The following APBB2 variants were observed in gnomAD, a reference collection of about 807,000 sequenced individuals.
APBB2 encodes amyloid beta precursor protein binding family B member 2.
APBB2 carries 38 observed loss-of-function variants against 82.5 expected under a neutral mutation model. That is an observed-to-expected ratio of 0.46 (90% confidence interval 0.36 to 0.60). The LOEUF (loss-of-function observed/expected upper bound fraction) is 0.60. Ranked by LOEUF, APBB2 falls within the 20% of genes least tolerant of loss-of-function variation. The probability of loss-of-function intolerance (pLI) is 0.00; values close to 1 mark genes in which losing one functional copy is unlikely to be tolerated. For synonymous variants in APBB2, 341 were observed against 368.2 expected (o/e 0.93, Z 0.85); for missense variants, 772 against 972.3 (o/e 0.79, Z 2.74).
chr4:40,940,993 T>G (rs935830481), intron 7 of APBB2, among the ~76,000 whole-genome samples: 13 of 152,244 alleles, frequency 8.5e-5, no homozygotes, highest in African/African-American at 3.1e-4. Flanking sequence ...ACTGCTGGCA[T>G]ATGCAGCGGA....
chr4:40,941,912 C>T (rs1453480970), intron 7 of APBB2, among the ~76,000 whole-genome samples: 1 of 152,102 alleles, frequency 6.6e-6, no homozygotes, highest in African/African-American at 2.4e-5. Context: ...GCTGGGATTA[C>T]AGGCGTGAGC....
intron 6 of APBB2, among the ~76,000 whole-genome samples, chr4:40,997,626 T>C (rs990721014): frequency 2.0e-5 from 3 of 152,090 alleles, no homozygotes; most frequent in African/African-American, 7.2e-5. Context: ...CTTCGAGGAG[T>C]CTCAGAGATT....
Position 40,942,676 on chromosome 4 carries a change from A to G in APBB2, c.1044+2189T>C, listed in dbSNP as rs372130214. Among the ~76,000 whole-genome samples the G allele has an allele frequency of 3.9e-5, 6 of 152,282 alleles. No individual in the cohort carries two copies. The East Asian group carries it at 9.7e-4, about 25-fold the overall frequency. On this transcript the variant is annotated intron_variant, in intron 7 of 17. Transcript: ENST00000508593. ...GGGGAACACTGAACTCCAGGGCAGG[A>G]GGTGCCAAGGGTGTGCCCTTCTGAG...
At chr4:40,820,164 C>G (rs967582138) in intron 17 of APBB2, among the ~76,000 whole-genome samples, 2 of 152,208 alleles carry the variant, frequency 1.3e-5, no homozygotes, top group African/African-American at 4.8e-5. Context: ...GCTTCACATG[C>G]AGCAGTTCTC....
intron 1 of APBB2, among the ~76,000 whole-genome samples, chr4:41,180,725 C>T (rs919033022): frequency 5.9e-5 from 9 of 152,102 alleles, no homozygotes; most frequent in Non-Finnish European, 1.3e-4. Context: ...ACCAGAATGA[C>T]CTCCCACCTT....
In APBB2 at chr4:41,041,036, A is replaced by G. The variant is rs892449820; in HGVS notation, c.-50-7732T>C. Among the ~76,000 whole-genome samples, 7 of 152,056 alleles carry G rather than the reference A, an allele frequency of 4.6e-5. No homozygotes were observed. The East Asian group carries it at 9.7e-4, about 21-fold the overall frequency. ...GCTGGGACTACAAGCGCCCACCACC[A>G]CACCCGGCTGATTTTTTGTATTTTT... On this transcript the variant is annotated intron_variant, in intron 4 of 17. Coordinates refer to ENST00000508593, the MANE Select transcript of APBB2 (RefSeq NM_004307.2).
intron 3 of APBB2, among the ~76,000 whole-genome samples, chr4:41,070,562 A>G (rs1733471963): frequency 6.6e-6 from 1 of 152,198 alleles, no homozygotes; most frequent in Middle Eastern, 3.2e-3. Flanking sequence ...TCGGCCTCCC[A>G]AAGTGCTGGG....
At chr4:41,148,804 C>G (rs1364131977) in intron 1 of APBB2, among the ~76,000 whole-genome samples, 1 of 152,132 alleles carries the variant, frequency 6.6e-6, no homozygotes, top group Non-Finnish European at 1.5e-5. Flanking sequence ...CACTATGTAT[C>G]AGGTACCATT....
At chr4:41,069,640 G>C (rs1465344856) in intron 3 of APBB2, among the ~76,000 whole-genome samples, 1 of 152,208 alleles carries the variant, frequency 6.6e-6, no homozygotes, top group African/African-American at 2.4e-5. Context: ...ACTCATCTCT[G>C]TATCCTCGGG....
intron 6 of APBB2, among the ~76,000 whole-genome samples, chr4:40,966,007 T>C (rs1317693432): frequency 1.3e-5 from 2 of 152,192 alleles, no homozygotes; most frequent in Admixed American, 6.5e-5. Context: ...AGTCCAATCC[T>C]TGAAACTAAA....
At chr4:40,899,211 A>G in intron 10 of APBB2, among the ~76,000 whole-genome samples, 1 of 152,364 alleles carries the variant, frequency 6.6e-6, no homozygotes, top group Non-Finnish European at 1.5e-5. Context: ...TGTCAGGATT[A>G]ACTGGGCTAA....
At chr4:41,110,753 G>A (rs890783838) in intron 2 of APBB2, among the ~76,000 whole-genome samples, 1 of 152,126 alleles carries the variant, frequency 6.6e-6, no homozygotes, top group Non-Finnish European at 1.5e-5. Flanking sequence ...ATGCTGCCCT[G>A]GGTATAGTAT....
chr4:40,998,454 A>C (rs899307827), intron 6 of APBB2, among the ~76,000 whole-genome samples: 7 of 152,246 alleles, frequency 4.6e-5, no homozygotes, highest in African/African-American at 7.2e-5. Flanking sequence ...AATCTTTAAG[A>C]AATTAGAAAT....
At chr4:40,909,622 C>T (rs929793565) in intron 10 of APBB2, among the ~76,000 whole-genome samples, 8 of 152,084 alleles carry the variant, frequency 5.3e-5, no homozygotes, top group Non-Finnish European at 1.2e-4. Flanking sequence ...AACCGAGAGA[C>T]GTAGCACAAT....
chr4:41,039,268 G>C (rs986863804), intron 4 of APBB2, among the ~76,000 whole-genome samples: 1 of 152,212 alleles, frequency 6.6e-6, no homozygotes, highest in African/African-American at 2.4e-5. Context: ...GTCTCCACCT[G>C]AAAAATTCAA....
chr4:40,957,133 C>A (rs117649269), intron 6 of APBB2, among the ~76,000 whole-genome samples: 12 of 152,148 alleles, frequency 7.9e-5, no homozygotes, highest in African/African-American at 2.9e-4. Context: ...ACAAAGGCGG[C>A]GCAAAGCCGG....
chr4:40,961,528 A>AGATATACC lies in APBB2; in HGVS notation c.836-16463_836-16456dup, dbSNP rs1033154816. Among the ~76,000 whole-genome samples, 2 of 149,832 alleles carry AGATATACC rather than the reference A, an allele frequency of 1.3e-5. 1 individual carries two copies. The highest frequency in any genetic ancestry group is 4.9e-5 in the African/African-American group (2 of 40,710). On this transcript the variant is annotated intron_variant, in intron 6 of 17. Transcript: ENST00000508593. ...GGGAGGGGGGAGGGATAGCATTGGGAGATATACCTAATGCTAGATGTCGAG... is the reference window on the plus strand; with the variant it reads ...GGGAGGGGGGAGGGATAGCATTGGGAGATATACCGATATACCTAATGCTAGATGTCGAG...
At chr4:41,020,146 TTC>T (rs1041892303) in intron 5 of APBB2, among the ~76,000 whole-genome samples, 36 of 152,366 alleles carry the variant, frequency 2.4e-4, no homozygotes, top group African/African-American at 7.9e-4. Context: ...ATTGAAGGTC[TTC>T]TCTGTAACCC....
chr4:41,009,827 T>C (rs1807812114), intron 6 of APBB2, among the ~76,000 whole-genome samples: 1 of 152,234 alleles, frequency 6.6e-6, no homozygotes, highest in Admixed American at 6.5e-5. Context: ...ATTTTATATA[T>C]ATACACATAC....
Sources: gnomAD v4.1 joint callset for allele counts (sites outside exome capture counted in the v4.1 genomes callset) on GRCh38, gnomAD v4.1.1 for gene constraint, MANE v1.5 for transcripts, NCBI Gene and HGNC (gene_info 2026-07-23, HGNC 2026-07-21) for gene names.